NEK10: variants seen among roughly 807,000 people sequenced by gnomAD.
NEK10 encodes NIMA related kinase 10, also known as serine/threonine-protein kinase Nek10.
Under a neutral mutation model 159.8 loss-of-function variants are expected in NEK10, and 122 were observed. The ratio of observed to expected loss-of-function variants is 0.76; its 90% CI spans 0.66 to 0.89. NEK10 has a LOEUF of 0.89. Ranked by LOEUF, NEK10 falls within the 40% of genes least tolerant of loss-of-function variation. The pLI is 0.00. For missense variants in NEK10, 1,342 were observed against 1,323.1 expected, an observed-to-expected ratio of 1.01 and a Z score of -0.22; for synonymous variants, 466 against 457.1, an observed-to-expected ratio of 1.02 and a Z score of -0.25.
At chr3:27,123,169 T>C (rs1941532437) in intron 32 of NEK10, among the ~76,000 whole-genome samples, 1 of 152,178 alleles carries the variant, frequency 6.6e-6, no homozygotes, top group Non-Finnish European at 1.5e-5. Flanking sequence ...TCTGTGAGAC[T>C]TGCAATCTGA....
intron 30 of NEK10, among the ~76,000 whole-genome samples, chr3:27,160,193 AC>A (rs1945890274): frequency 6.6e-6 from 1 of 152,200 alleles, no homozygotes; most frequent in Non-Finnish European, 1.5e-5. Context: ...ATAACTCGCT[AC>A]TGACAGGACC....
chr3:27,134,868 T>C (rs527272977), intron 31 of NEK10, among the ~76,000 whole-genome samples: 60 of 152,328 alleles, frequency 3.9e-4, no homozygotes, highest in African/African-American at 1.4e-3. Context: ...GTAAGGACTA[T>C]AATACTAAGA....
intron 30 of NEK10, among the ~76,000 whole-genome samples, chr3:27,142,838 G>T (rs908334137): frequency 6.6e-6 from 1 of 152,124 alleles, no homozygotes. Context: ...TTTCTTTACA[G>T]ATATCTTTAC....
intron 23 of NEK10, among the ~76,000 whole-genome samples, chr3:27,223,402 C>T (rs1481773822): frequency 2.0e-5 from 3 of 152,182 alleles, no homozygotes; most frequent in African/African-American, 7.2e-5. Flanking sequence ...TACCACTCCC[C>T]TGAAACCTCT....
At chr3:27,224,688 C>T (rs941585466) in intron 23 of NEK10, among the ~76,000 whole-genome samples, 1 of 152,142 alleles carries the variant, frequency 6.6e-6, no homozygotes, top group African/African-American at 2.4e-5. Flanking sequence ...ACTCTCACTA[C>T]CCTGGGATTA....
chr3:27,199,478 C>T (rs573047291), intron 25 of NEK10, among the ~76,000 whole-genome samples: 7 of 152,106 alleles, frequency 4.6e-5, no homozygotes, highest in Non-Finnish European at 7.4e-5. Flanking sequence ...AAAGGTTCAG[C>T]GAAAAAGGAA....
chr3:27,347,502 C>CAAAAAA (rs35966643), intron 3 of NEK10, among the ~76,000 whole-genome samples: 3 of 63,438 alleles, frequency 4.7e-5, no homozygotes, highest in African/African-American at 2.1e-4. Flanking sequence ...AACTCCGTCT[C>CAAAAAA]AAAAAAAAAA....
In NEK10 at chr3:27,304,750, T is replaced by C. The variant is rs1191428283; in HGVS notation, c.1025A>G (p.Gln342Arg). ...GCCAAAGCCCACTTTTACTCACCCT[T>C]GTAAAATATGAAGAAGCTGTTTGAT... ...GGIKQLLHILQGDRNFVSDHS... is the reference protein window; with the variant it reads ...GGIKQLLHILRGDRNFVSDHS... Residue 342 changes from glutamine to arginine, a missense_variant, in exon 12 of 36, where the codon CAA becomes CGA. Transcript: ENST00000691995. 2 of 1,607,740 alleles carry C rather than the reference T, an allele frequency of 1.2e-6. No homozygotes were observed. Among genetic ancestry groups the C allele is most frequent in the Admixed American group, 3.3e-5 (2 of 59,994 alleles).
intron 5 of NEK10, among the ~76,000 whole-genome samples, chr3:27,340,951 G>A (rs2047160271): frequency 6.6e-6 from 1 of 152,088 alleles, no homozygotes; most frequent in Non-Finnish European, 1.5e-5. Flanking sequence ...CAACCTTAGT[G>A]TACACCAACA....
chr3:27,271,254 T>C (rs2041335548), intron 22 of NEK10, among the ~76,000 whole-genome samples: 1 of 152,080 alleles, frequency 6.6e-6, no homozygotes, highest in South Asian at 2.1e-4. Flanking sequence ...TAGGACATAT[T>C]AGAAGACTAA....
intron 23 of NEK10, among the ~76,000 whole-genome samples, chr3:27,203,013 G>A (rs1339523873): frequency 6.6e-6 from 1 of 152,146 alleles, no homozygotes; most frequent in Non-Finnish European, 1.5e-5. Context: ...AACCTGATTA[G>A]AGCCTCAGTC....
intron 26 of NEK10, among the ~76,000 whole-genome samples, chr3:27,179,724 A>G (rs1004047004): frequency 3.9e-5 from 6 of 152,228 alleles, no homozygotes; most frequent in Non-Finnish European, 8.8e-5. Flanking sequence ...AAATGTATAT[A>G]CCAATATATT....
intron 12 of NEK10, among the ~76,000 whole-genome samples, chr3:27,302,462 A>G (rs1458761357): frequency 6.6e-6 from 1 of 151,384 alleles, no homozygotes; most frequent in Non-Finnish European, 1.5e-5. Flanking sequence ...TTTCTTTCCT[A>G]GCTCTGCAGT....
intron 23 of NEK10, chr3:27,252,866 G>A (rs748700976): frequency 3.9e-6 from 2 of 510,670 alleles, no homozygotes; most frequent in Admixed American, 4.0e-5. Context: ...GAGAATGCAA[G>A]GTTGTCTGCT....
chr3:27,208,773 G>A (rs1216436594), intron 23 of NEK10, among the ~76,000 whole-genome samples: 1 of 152,120 alleles, frequency 6.6e-6, no homozygotes, highest in Non-Finnish European at 1.5e-5. Flanking sequence ...CCACAATTGG[G>A]GATATTCAAT....
intron 35 of NEK10, among the ~76,000 whole-genome samples, chr3:27,111,989 C>T (rs144464141): frequency 1.3e-5 from 2 of 152,262 alleles, no homozygotes; most frequent in Non-Finnish European, 2.9e-5. Flanking sequence ...CTTTAACTTT[C>T]TTTACACAGC....
At chr3:27,160,454 A>G (rs1945911307) in intron 30 of NEK10, among the ~76,000 whole-genome samples, 1 of 152,180 alleles carries the variant, frequency 6.6e-6, no homozygotes, top group South Asian at 2.1e-4. Context: ...AATGGAAAAA[A>G]CCTTCATATG....
chr3:27,176,315 C>T (rs1017403070), intron 26 of NEK10, among the ~76,000 whole-genome samples: 3 of 152,164 alleles, frequency 2.0e-5, no homozygotes, highest in African/African-American at 7.2e-5. Flanking sequence ...ATAATTAGTA[C>T]ATCCAATGTT....
At chr3:27,183,690 AG>A (rs1365690532) in intron 26 of NEK10, among the ~76,000 whole-genome samples, 1 of 152,138 alleles carries the variant, frequency 6.6e-6, no homozygotes, top group African/African-American at 2.4e-5. Context: ...GTTTGACAAT[AG>A]GCTCATTATC....
Sources: gnomAD v4.1 joint callset for allele counts (sites outside exome capture counted in the v4.1 genomes callset) on GRCh38, gnomAD v4.1.1 for gene constraint, MANE v1.5 for transcripts, NCBI Gene and HGNC (gene_info 2026-07-23, HGNC 2026-07-21) for gene names.